The following PGBD2 variants were observed in gnomAD, a reference collection of about 807,000 sequenced individuals.
PGBD2 encodes piggyBac transposable element-derived protein 2.
PGBD2 carries 6 observed loss-of-function variants against 8.1 expected under a neutral mutation model. The observed-to-expected ratio is 0.74, with a 90% CI of 0.40 to 1.46. The LOEUF is 1.46. PGBD2 is among the 40% of genes most tolerant of loss of function. The probability of loss-of-function intolerance (pLI) is 0.02; values close to 1 mark genes in which losing one functional copy is unlikely to be tolerated. For missense variants in PGBD2, 802 were observed against 739.0 expected (o/e 1.09, Z -0.99); for synonymous variants, 318 against 272.2 (o/e 1.17, Z -1.66).
chr1:248,898,024 GC>G, the PGBD2 span, among the ~76,000 whole-genome samples: 3,858 of 152,276 alleles, frequency 0.025, 163 homozygotes, highest in African/African-American at 0.088. Flanking sequence ...ACTGGGTGGG[GC>G]CTCCCTGTGG....
At chr1:248,908,459 T>C (rs1661738605) in intron 1 of PGBD2, among the ~76,000 whole-genome samples, 1 of 151,866 alleles carries the variant, frequency 6.6e-6, no homozygotes. Flanking sequence ...CCCGATCAGC[T>C]TTCTCCCCTG....
intron 2 of PGBD2, among the ~76,000 whole-genome samples, chr1:248,914,933 GT>G (rs1662040545): frequency 6.6e-6 from 1 of 152,172 alleles, no homozygotes; most frequent in African/African-American, 2.4e-5. Context: ...AATCCCTTCA[GT>G]GTCAGGACTG....
chr1:248,908,958 T>C (rs1264566966), intron 1 of PGBD2, among the ~76,000 whole-genome samples: 1 of 152,192 alleles, frequency 6.6e-6, no homozygotes, highest in Non-Finnish European at 1.5e-5. Context: ...TCAGTTTCCG[T>C]TTTACGGGTT....
chr1:248,874,586 T>C, the PGBD2 span, among the ~76,000 whole-genome samples: 1 of 152,122 alleles, frequency 6.6e-6, no homozygotes, highest in Non-Finnish European at 1.5e-5. Flanking sequence ...AAATGGCTGG[T>C]CTTAAAATTA....
At chr1:248,875,336 A>G in the PGBD2 span, among the ~76,000 whole-genome samples, 1 of 140,554 alleles carries the variant, frequency 7.1e-6, no homozygotes, top group Non-Finnish European at 1.5e-5. Context: ...AAAGAAAAGA[A>G]AAAAAGAAAG....
At chr1:248,888,122 T>C in the PGBD2 span, among the ~76,000 whole-genome samples, 1 of 152,242 alleles carries the variant, frequency 6.6e-6, no homozygotes, top group Non-Finnish European at 1.5e-5. Flanking sequence ...TAGTACTCCA[T>C]GGTATATATG....
downstream of PGBD2, chr1:248,919,264 T>A (rs117069447): frequency 5.1e-4 from 85 of 167,132 alleles, no homozygotes; most frequent in East Asian, 0.013. Context: ...TCTGGTAACC[T>A]TCTTTCCACT....
intron 1 of PGBD2, among the ~76,000 whole-genome samples, chr1:248,913,113 ATT>A (rs1455935256): frequency 2.0e-5 from 3 of 151,990 alleles, no homozygotes; most frequent in African/African-American, 7.3e-5. Flanking sequence ...GAGCACTCAG[ATT>A]TTATAAAAAG....
downstream of PGBD2, among the ~76,000 whole-genome samples, chr1:248,922,975 A>G (rs909573207): frequency 6.6e-6 from 1 of 152,180 alleles, no homozygotes; most frequent in South Asian, 2.1e-4. Flanking sequence ...GCCTCATAAA[A>G]TGAGTTAGGG....
chr1:248,920,938 T>C (rs1302901571), downstream of PGBD2, among the ~76,000 whole-genome samples: 2 of 152,220 alleles, frequency 1.3e-5, no homozygotes, highest in African/African-American at 4.8e-5. Flanking sequence ...TGCATAAATG[T>C]CTTCTTTTGA....
intron 1 of PGBD2, among the ~76,000 whole-genome samples, chr1:248,912,000 A>G (rs1297786560): frequency 2.6e-5 from 4 of 152,010 alleles, no homozygotes; most frequent in African/African-American, 9.7e-5. Flanking sequence ...AAATGCATAG[A>G]AAGTTTAATA....
chr1:248,907,766 C>G (rs1309924997), intron 1 of PGBD2, among the ~76,000 whole-genome samples: 1 of 152,154 alleles, frequency 6.6e-6, no homozygotes, highest in African/African-American at 2.4e-5. Flanking sequence ...AAGGTTGGAG[C>G]AAAGAGGTTG....
At chr1:248,874,183 C>G in the PGBD2 span, among the ~76,000 whole-genome samples, 1 of 152,182 alleles carries the variant, frequency 6.6e-6, no homozygotes, top group Non-Finnish European at 1.5e-5. Context: ...AATCATGTTT[C>G]TATAGGAGAT....
downstream of PGBD2, among the ~76,000 whole-genome samples, chr1:248,924,318 C>T (rs116020888): frequency 0.015 from 2,216 of 152,302 alleles, 57 homozygotes; most frequent in African/African-American, 0.05. Flanking sequence ...AAACCCAAGC[C>T]AGGGTGTGTA....
rs1558290826 is a variant in PGBD2, at chr1:248,918,288, A to G, written c.1704A>G (p.Ser568=). ...GGACCCGGTGTGCCCTCTGCCACTC[A>G]CAGACCAACACCCGGTGTGAGAAGT... ...DKRTRCALCH[S]QTNTRCEKCQ... The change falls in exon 3 of 3, where the codon TCA becomes TCG. Residue 568 remains serine, a synonymous_variant. Coordinates refer to ENST00000329291, the MANE Select transcript of PGBD2 (RefSeq NM_170725.3). 6 of 1,603,636 alleles carry G rather than the reference A, an allele frequency of 3.7e-6. No homozygotes were observed. Among genetic ancestry groups the G allele is most frequent in the Non-Finnish European group, 5.1e-6 (6 of 1,174,560 alleles).
chr1:248,906,073 G>C (rs980244730), upstream of PGBD2: 1 of 152,258 alleles, frequency 6.6e-6, no homozygotes, highest in Non-Finnish European at 1.5e-5. Context: ...CTGGCCCGCT[G>C]GGGTGGGTTA....
chr1:248,897,380 C>G, the PGBD2 span, among the ~76,000 whole-genome samples: 4 of 151,902 alleles, frequency 2.6e-5, no homozygotes, highest in African/African-American at 7.3e-5. Context: ...ATGACCCTGT[C>G]TTCTTTGTTT....
intron 2 of PGBD2, among the ~76,000 whole-genome samples, 196 bp downstream of exon 2, chr1:248,914,075 G>T (rs1468855647): frequency 6.6e-6 from 1 of 152,202 alleles, no homozygotes; most frequent in African/African-American, 2.4e-5. Flanking sequence ...TGGTGTGGGT[G>T]TGGTTATGTA....
chr1:248,916,368 A>G (rs937195364), intron 2 of PGBD2, among the ~76,000 whole-genome samples: 1 of 152,136 alleles, frequency 6.6e-6, no homozygotes, highest in Admixed American at 6.5e-5. Context: ...GCACCACTGC[A>G]CTCCAGCCTG....
Sources: allele counts gnomAD v4.1 joint callset (sites outside exome capture counted in the v4.1 genomes callset), GRCh38; gene constraint gnomAD v4.1.1; transcripts MANE v1.5; gene names NCBI Gene and HGNC (gene_info 2026-07-23, HGNC 2026-07-21).